Variants in CNTNAP2 observed in about 807,000 individuals in gnomAD.
CNTNAP2 encodes contactin-associated protein-like 2.
Under a neutral mutation model 155.2 loss-of-function variants are expected in CNTNAP2, and 98 were observed. The ratio of observed to expected loss-of-function variants is 0.63; its 90% CI spans 0.54 to 0.75. CNTNAP2 has a LOEUF of 0.75. Among genes scored for constraint, CNTNAP2 ranks in the 30% least tolerant of loss-of-function variants. CNTNAP2 has a pLI of 0.00. For missense variants in CNTNAP2, 1,727 were observed against 1,688.1 expected (o/e 1.02, Z -0.40); for synonymous variants, 651 against 631.2 (o/e 1.03, Z -0.47).
chr7:146,325,136 G>T (rs1308455489), intron 1 of CNTNAP2, among the ~76,000 whole-genome samples: 2 of 151,822 alleles, frequency 1.3e-5, no homozygotes, highest in East Asian at 3.9e-4. Context: ...TCACTCTGTT[G>T]CCCAGGCTGG....
chr7:147,695,801 CA>C (rs1018482811), intron 13 of CNTNAP2, among the ~76,000 whole-genome samples: 8 of 151,040 alleles, frequency 5.3e-5, no homozygotes, highest in African/African-American at 1.9e-4. Flanking sequence ...GACTCCATCT[CA>C]AAAAAAATAA....
chr7:146,715,621 C>T (rs1801174199), intron 1 of CNTNAP2, among the ~76,000 whole-genome samples: 1 of 152,168 alleles, frequency 6.6e-6, no homozygotes. Flanking sequence ...AAAAGAAAAT[C>T]ACCCTACCTA....
At chr7:146,155,850 C>A (rs1798117680) in intron 1 of CNTNAP2, among the ~76,000 whole-genome samples, 1 of 151,896 alleles carries the variant, frequency 6.6e-6, no homozygotes, top group Non-Finnish European at 1.5e-5. Flanking sequence ...CAGGTGCCCA[C>A]CACCATGCCT....
chr7:148,130,783 T>C (rs1383630676), intron 16 of CNTNAP2, among the ~76,000 whole-genome samples: 1 of 152,202 alleles, frequency 6.6e-6, no homozygotes, highest in Non-Finnish European at 1.5e-5. Context: ...TTCCCCTTCA[T>C]TGAAATCCTG....
At chr7:148,161,409 CA>C (rs1335256349) in intron 17 of CNTNAP2, among the ~76,000 whole-genome samples, 2 of 152,108 alleles carry the variant, frequency 1.3e-5, no homozygotes, top group East Asian at 3.9e-4. Flanking sequence ...CAATGAAAAA[CA>C]AAAGTTCAGG....
chr7:147,914,912 A>T (rs1166213083), intron 14 of CNTNAP2, among the ~76,000 whole-genome samples: 2 of 152,178 alleles, frequency 1.3e-5, no homozygotes, highest in Non-Finnish European at 2.9e-5. Flanking sequence ...ATTTCTAGAA[A>T]ATCTACAAAA....
At chr7:147,842,507 C>G (rs1324857638) in intron 13 of CNTNAP2, among the ~76,000 whole-genome samples, 4 of 150,200 alleles carry the variant, frequency 2.7e-5, no homozygotes, top group African/African-American at 7.3e-5. Context: ...ATAATTTCAG[C>G]CATTTAAAAA....
At chr7:147,685,621 C>A (rs569239556) in intron 13 of CNTNAP2, among the ~76,000 whole-genome samples, 2 of 151,702 alleles carry the variant, frequency 1.3e-5, no homozygotes, top group African/African-American at 4.8e-5. Context: ...GATGACAAAT[C>A]GTCACCTTCT....
chr7:146,232,259 G>A (rs889401077), intron 1 of CNTNAP2, among the ~76,000 whole-genome samples: 10 of 146,654 alleles, frequency 6.8e-5, no homozygotes, highest in African/African-American at 2.5e-4. Context: ...CTGAATGCCT[G>A]TATGTGTATG....
At chr7:147,742,352 T>A (rs954112) in intron 13 of CNTNAP2, among the ~76,000 whole-genome samples, 102,974 of 152,154 alleles carry the variant, frequency 0.68, 36,781 homozygotes, top group East Asian at 0.97. Flanking sequence ...ACATCTTGTC[T>A]TTTATTATAA....
At chr7:147,285,708 G>GC (rs1802408382) in intron 8 of CNTNAP2, among the ~76,000 whole-genome samples, 1 of 151,970 alleles carries the variant, frequency 6.6e-6, no homozygotes, top group Admixed American at 6.6e-5. Context: ...GGAACTATGT[G>GC]CCTTTGGGAC....
chr7:147,624,592 C>T (rs1794935867), intron 12 of CNTNAP2, among the ~76,000 whole-genome samples: 1 of 151,964 alleles, frequency 6.6e-6, no homozygotes. Context: ...GGCTTATATC[C>T]AAAAGACAGG....
intron 1 of CNTNAP2, among the ~76,000 whole-genome samples, chr7:146,449,756 T>C (rs1796451253): frequency 6.6e-6 from 1 of 152,174 alleles, no homozygotes; most frequent in Non-Finnish European, 1.5e-5. Context: ...TTAAACTGGT[T>C]GATATGCCTT....
At chr7:146,650,726 G>A (rs1306372221) in intron 1 of CNTNAP2, among the ~76,000 whole-genome samples, 3 of 151,906 alleles carry the variant, frequency 2.0e-5, no homozygotes, top group Admixed American at 6.6e-5. Flanking sequence ...TCACCCCCTC[G>A]ATATAATGGA....
At chr7:146,224,431 T>TA (rs60496758) in intron 1 of CNTNAP2, among the ~76,000 whole-genome samples, 101,552 of 143,170 alleles carry the variant, frequency 0.71, 36,447 homozygotes, top group East Asian at 0.93. Context: ...CACAGTGGTT[T>TA]AAAAAAAAAA....
At chr7:147,248,090 A>G (rs1209479583) in intron 8 of CNTNAP2, among the ~76,000 whole-genome samples, 5 of 152,012 alleles carry the variant, frequency 3.3e-5, no homozygotes, top group Admixed American at 1.3e-4. Flanking sequence ...GGCAAATACC[A>G]CATAAAAGGG....
chr7:148,052,880 C>G (rs1193477005), intron 15 of CNTNAP2, among the ~76,000 whole-genome samples: 1 of 152,100 alleles, frequency 6.6e-6, no homozygotes, highest in Admixed American at 6.5e-5. Flanking sequence ...AACCTCATAT[C>G]TAGTAAAAAT....
intron 12 of CNTNAP2, among the ~76,000 whole-genome samples, chr7:147,635,900 GA>G (rs1300059730): frequency 6.6e-6 from 1 of 151,660 alleles, no homozygotes; most frequent in African/African-American, 2.4e-5. Flanking sequence ...AGATTTGTGA[GA>G]AAAAAAATAA....
At chr7:147,332,612 C>A (rs1486757569) in intron 9 of CNTNAP2, among the ~76,000 whole-genome samples, 3 of 152,020 alleles carry the variant, frequency 2.0e-5, no homozygotes, top group African/African-American at 7.2e-5. Context: ...GCCTGTAATC[C>A]CAGCACTTTG....
Sources: gnomAD v4.1 joint callset for allele counts (sites outside exome capture counted in the v4.1 genomes callset) on GRCh38, gnomAD v4.1.1 for gene constraint, MANE v1.5 for transcripts, NCBI Gene and HGNC (gene_info 2026-07-23, HGNC 2026-07-21) for gene names.